TBCE: variants seen among roughly 807,000 people sequenced by gnomAD.
TBCE encodes tubulin folding cofactor E.
Under a neutral mutation model 77.0 loss-of-function variants are expected in TBCE, and 53 were observed. The ratio of observed to expected loss-of-function variants is 0.69; its 90% CI spans 0.55 to 0.87. The LOEUF (loss-of-function observed/expected upper bound fraction) is 0.87. Ranked by LOEUF, TBCE falls within the 40% of genes least tolerant of loss-of-function variation. The probability of loss-of-function intolerance (pLI) is 0.00; values close to 1 mark genes in which losing one functional copy is unlikely to be tolerated. For synonymous variants in TBCE, 235 were observed against 241.3 expected (o/e 0.97, Z 0.24); for missense variants, 624 against 622.4 (o/e 1.00, Z -0.03).
Position 235,380,986 on chromosome 1 carries a change from T to C in TBCE, c.100+837T>C, listed in dbSNP as rs192404969. ...TTTTAGGGGAGACAGGGTTTCTCCA[T>C]GTTGGTCAGGCTGGTCTCGAACTCC... On this transcript the variant is annotated intron_variant, in intron 2 of 16. Transcript: ENST00000642610. 5.6e-3 allele frequency among the ~76,000 whole-genome samples: 831 copies of C among 147,230 alleles called. 8 individuals are homozygous for C. The highest frequency in any genetic ancestry group is 0.021 in the African/African-American group (807 of 37,916).
intron 8 of TBCE, 46 bp downstream of exon 8, chr1:235,434,326 T>G (rs747057270): frequency 6.7e-7 from 1 of 1,497,546 alleles, no homozygotes; most frequent in Non-Finnish European, 9.3e-7. Flanking sequence ...TTAATCATCA[T>G]TCTGAGTAAA....
chr1:235,372,588 C>T (rs1470535767), intron 1 of TBCE, among the ~76,000 whole-genome samples: 1 of 151,806 alleles, frequency 6.6e-6, no homozygotes, highest in African/African-American at 2.4e-5. Flanking sequence ...TTGAGACCAA[C>T]CTGGGCAGCA....
At chr1:235,408,432 ATTTTTT>A (rs34222562) in intron 3 of TBCE, among the ~76,000 whole-genome samples, 1 of 144,636 alleles carries the variant, frequency 6.9e-6, no homozygotes, top group African/African-American at 2.5e-5. Flanking sequence ...GTGTTGGAAG[ATTTTTT>A]TTTTTTTTTA....
At chr1:235,417,452 T>C (rs902558589) in intron 4 of TBCE, among the ~76,000 whole-genome samples, 3 of 152,186 alleles carry the variant, frequency 2.0e-5, no homozygotes, top group Non-Finnish European at 4.4e-5. Context: ...AATAGAAATA[T>C]TTGTTTTATA....
chr1:235,451,496 C>T lies in TBCE; in HGVS notation c.*2734C>T, dbSNP rs904780709. The T allele has an allele frequency of 2.7e-5, 4 of 146,312 alleles. No individual in the cohort carries two copies. The highest frequency in any genetic ancestry group is 2.1e-4 in the South Asian group (1 of 4,714). 9.1% of individuals were successfully genotyped at this position (146,312 alleles called of 1,614,324 possible). A position where few individuals can be genotyped will look rare whatever the true frequency, so the allele number is the denominator to read the frequency against. The stretch of plus-strand genomic sequence containing the variant: ...ACAAAAAAAAAAAAAAAAAAAAGAC[C>T]GCATCAGAAAACAAGCGCCATGAAC... On this transcript the variant is annotated 3_prime_UTR_variant, in exon 17 of 17. Transcript: ENST00000642610.
At chr1:235,437,696 T>C (rs1330899551) in intron 12 of TBCE, among the ~76,000 whole-genome samples, 2 of 151,714 alleles carry the variant, frequency 1.3e-5, no homozygotes, top group African/African-American at 2.4e-5. Context: ...TGTAAGTGCT[T>C]GTAGTCCCAG....
At chr1:235,373,721 T>C (rs954495122) in intron 1 of TBCE, among the ~76,000 whole-genome samples, 13 of 151,680 alleles carry the variant, frequency 8.6e-5, no homozygotes, top group African/African-American at 2.9e-4. Flanking sequence ...CGATCTCGGC[T>C]CACTGCAAGC....
chr1:235,408,926 T>A (rs1393552218), intron 3 of TBCE, among the ~76,000 whole-genome samples: 2 of 152,178 alleles, frequency 1.3e-5, no homozygotes, highest in South Asian at 4.2e-4. Context: ...TGGGGACCCT[T>A]TACCTTTGTG....
intron 15 of TBCE, among the ~76,000 whole-genome samples, chr1:235,447,946 C>T (rs145844163): frequency 2.0e-5 from 3 of 152,012 alleles, no homozygotes; most frequent in East Asian, 1.9e-4. Context: ...GCGCTGGGCT[C>T]ATGCTTGTAA....
At position 235,414,588 on chromosome 1, in the gene TBCE, T is replaced by C; in HGVS notation, c.341T>C (p.Ile114Thr). The change falls in exon 4 of 17, where the codon ATC becomes ACC. Residue 114 changes from isoleucine to threonine, a missense_variant. Physicochemically the swap from Ile to Thr is moderately conservative, Grantham distance 89 (BLOSUM62 -1). Coordinates refer to ENST00000642610, the MANE Select transcript of TBCE (RefSeq NM_003193.5). ...ATTGGAAATAAACCTGTGGAGACTA[T>C]CGGTTTTGACTCTATTATGAAACAG... is the stretch of plus-strand genomic sequence containing the variant. The part of the protein sequence containing the change: ...VTIGNKPVET[I>T]GFDSIMKQQS... 6.2e-7 allele frequency: 1 copy of C among 1,613,786 alleles called. No individual in the cohort carries two copies. Among genetic ancestry groups the C allele is most frequent in the African/African-American group, 1.3e-5 (1 of 75,046 alleles).
intron 2 of TBCE, among the ~76,000 whole-genome samples, chr1:235,399,283 C>G (rs764507198): frequency 1.3e-5 from 2 of 152,154 alleles, no homozygotes; most frequent in Non-Finnish European, 2.9e-5. Flanking sequence ...TGTTTCTTCT[C>G]CATTAGTTTG....
chr1:235,412,267 G>T (rs749336709), intron 3 of TBCE, among the ~76,000 whole-genome samples: 23 of 33,962 alleles, frequency 6.8e-4, no homozygotes, highest in Non-Finnish European at 1.3e-3. Flanking sequence ...GTTTCCATCT[G>T]TCGCCCAGGC....
intron 2 of TBCE, among the ~76,000 whole-genome samples, chr1:235,385,740 C>G (rs374330576): frequency 6.6e-6 from 1 of 152,114 alleles, no homozygotes; most frequent in Non-Finnish European, 1.5e-5. Flanking sequence ...TTCCTGAATA[C>G]AGCACACTGA....
At chr1:235,443,107 C>T (rs1466917501) in intron 15 of TBCE, 196 bp downstream of exon 15, 3 of 612,250 alleles carry the variant, frequency 4.9e-6, no homozygotes, top group Admixed American at 3.0e-5. Flanking sequence ...GTTCAGGTCT[C>T]CCCTAACTTT....
At chr1:235,423,941 C>T (rs956288928) in intron 5 of TBCE, among the ~76,000 whole-genome samples, 69 of 152,186 alleles carry the variant, frequency 4.5e-4, no homozygotes, top group African/African-American at 1.6e-3. Context: ...TGCCGTCCTT[C>T]CCTTGTTCCT....
At chr1:235,368,971 CATATAT>C (rs1468883360) in intron 1 of TBCE, among the ~76,000 whole-genome samples, 1 of 152,078 alleles carries the variant, frequency 6.6e-6, no homozygotes, top group East Asian at 1.9e-4. Context: ...TAATCTCTTC[CATATAT>C]ATCAGCAAAT....
At chr1:235,368,671 C>T (rs1252752417) in intron 1 of TBCE, among the ~76,000 whole-genome samples, 1 of 150,858 alleles carries the variant, frequency 6.6e-6, no homozygotes, top group Non-Finnish European at 1.5e-5. Context: ...ATATCTCCCA[C>T]CTCAGCCTCC....
At chr1:235,388,950 A>G (rs1572342643) in intron 2 of TBCE, among the ~76,000 whole-genome samples, 1 of 152,178 alleles carries the variant, frequency 6.6e-6, no homozygotes, top group South Asian at 2.1e-4. Flanking sequence ...GTCATTATAC[A>G]TTAGTGATGA....
At chr1:235,385,383 T>C (rs1420812235) in intron 2 of TBCE, among the ~76,000 whole-genome samples, 4 of 152,124 alleles carry the variant, frequency 2.6e-5, no homozygotes, top group Admixed American at 2.6e-4. Context: ...GTTAACTTTC[T>C]GTCTCGTTGA....
Sources: gnomAD v4.1 joint callset for allele counts (sites outside exome capture counted in the v4.1 genomes callset) on GRCh38, gnomAD v4.1.1 for gene constraint, MANE v1.5 for transcripts, NCBI Gene and HGNC (gene_info 2026-07-23, HGNC 2026-07-21) for gene names.